Variants in HSD17B12 observed in about 807,000 individuals in gnomAD.
The protein encoded by HSD17B12 is very-long-chain 3-oxoacyl-CoA reductase.
A neutral mutation model predicts 39.3 loss-of-function variants in HSD17B12; 32 were observed. The observed-to-expected ratio is 0.81, with a 90% confidence interval of 0.61 to 1.09. The LOEUF (loss-of-function observed/expected upper bound fraction) is 1.09. HSD17B12 is among the 50% of genes least tolerant of loss of function. HSD17B12 has a pLI of 0.00. For missense variants in HSD17B12, 342 were observed against 382.9 expected (o/e 0.89, Z 0.89); for synonymous variants, 150 against 146.7 (o/e 1.02, Z -0.16).
intron 3 of HSD17B12, among the ~76,000 whole-genome samples, chr11:43,773,532 C>G (rs1173664333): frequency 6.6e-6 from 1 of 152,184 alleles, no homozygotes; most frequent in Non-Finnish European, 1.5e-5. Context: ...AGCCACTGTA[C>G]CTGGCCTAAA....
chr11:43,812,422 G>A (rs1387064476), intron 4 of HSD17B12, among the ~76,000 whole-genome samples: 1 of 152,182 alleles, frequency 6.6e-6, no homozygotes, highest in Non-Finnish European at 1.5e-5. Context: ...TCTAACTGGG[G>A]TAAGATGATA....
the HSD17B12 span, among the ~76,000 whole-genome samples, chr11:43,657,541 A>G: frequency 6.6e-6 from 1 of 152,092 alleles, no homozygotes; most frequent in African/African-American, 2.4e-5. Flanking sequence ...GGCTGGTACC[A>G]GTTGTTCCTT....
intron 4 of HSD17B12, among the ~76,000 whole-genome samples, chr11:43,805,957 T>A (rs1450575414): frequency 1.3e-5 from 2 of 152,196 alleles, no homozygotes. Context: ...ATACTCATGA[T>A]CTTGTAGTTT....
chr11:43,592,299 T>G, the HSD17B12 span, among the ~76,000 whole-genome samples: 1 of 152,134 alleles, frequency 6.6e-6, no homozygotes, highest in African/African-American at 2.4e-5. Context: ...TTTGTGTGTG[T>G]GTTTTTTTAA....
At chr11:43,720,133 A>C (rs1950163648) in intron 1 of HSD17B12, among the ~76,000 whole-genome samples, 1 of 152,198 alleles carries the variant, frequency 6.6e-6, no homozygotes, top group African/African-American at 2.4e-5. Flanking sequence ...CTGATTTGAT[A>C]TCTCCCCAGA....
intron 6 of HSD17B12, among the ~76,000 whole-genome samples, chr11:43,822,541 T>G (rs1590328853): frequency 6.6e-6 from 1 of 152,178 alleles, no homozygotes; most frequent in East Asian, 1.9e-4. Flanking sequence ...GTCCAAGTGT[T>G]GTCATTGTTC....
At chr11:43,716,820 A>G (rs1200896804) in intron 1 of HSD17B12, among the ~76,000 whole-genome samples, 1 of 150,760 alleles carries the variant, frequency 6.6e-6, no homozygotes, top group Non-Finnish European at 1.5e-5. Flanking sequence ...TGGTGGTGAG[A>G]CCTGAGGGAG....
At chr11:43,777,283 G>A (rs1337576344) in intron 3 of HSD17B12, among the ~76,000 whole-genome samples, 3 of 152,038 alleles carry the variant, frequency 2.0e-5, no homozygotes, top group African/African-American at 7.2e-5. Context: ...TTATTTCGTT[G>A]AGCAGTGGTT....
intron 1 of HSD17B12, among the ~76,000 whole-genome samples, chr11:43,722,152 C>G (rs1565063683): frequency 6.6e-6 from 1 of 152,212 alleles, no homozygotes; most frequent in Non-Finnish European, 1.5e-5. Context: ...GGAGTTCTGA[C>G]AGAGGAGCAA....
chr11:43,790,686 A>G (rs1046132603), intron 3 of HSD17B12, among the ~76,000 whole-genome samples: 3 of 152,202 alleles, frequency 2.0e-5, no homozygotes, highest in Non-Finnish European at 2.9e-5. Flanking sequence ...ATGGCGTGCA[A>G]TTTAAAACTT....
At chr11:43,775,594 T>C (rs918273266) in intron 3 of HSD17B12, among the ~76,000 whole-genome samples, 37 of 151,338 alleles carry the variant, frequency 2.4e-4, no homozygotes, top group African/African-American at 8.3e-4. Context: ...ATTTCTTTTT[T>C]ATTTATTTAT....
intron 1 of HSD17B12, among the ~76,000 whole-genome samples, chr11:43,688,809 A>G (rs186931305): frequency 6.6e-6 from 1 of 152,262 alleles, no homozygotes; most frequent in Admixed American, 6.5e-5. Flanking sequence ...TCTGAGCATA[A>G]CTTCTTTCAT....
At chr11:43,678,423 A>T (rs1387374070), upstream of HSD17B12, among the ~76,000 whole-genome samples, 2 of 152,030 alleles carry the variant, frequency 1.3e-5, no homozygotes, top group Non-Finnish European at 2.9e-5. Context: ...GCTGTGCAGA[A>T]GCTCTTTAGT....
At chr11:43,815,795 G>T (rs141856511) in intron 5 of HSD17B12, among the ~76,000 whole-genome samples, 1 of 151,996 alleles carries the variant, frequency 6.6e-6, no homozygotes, top group Non-Finnish European at 1.5e-5. Context: ...TCTTATTTTT[G>T]TTTGTGTTAT....
At chr11:43,632,677 G>A in the HSD17B12 span, among the ~76,000 whole-genome samples, 1 of 152,168 alleles carries the variant, frequency 6.6e-6, no homozygotes, top group African/African-American at 2.4e-5. Context: ...AGTGGCCCAT[G>A]CTGCTTTTTA....
At chr11:43,842,291 C>T (rs918866580) in intron 9 of HSD17B12, among the ~76,000 whole-genome samples, 4 of 152,106 alleles carry the variant, frequency 2.6e-5, no homozygotes, top group African/African-American at 9.7e-5. Flanking sequence ...AGCTAAGTCA[C>T]CTACTGTGAG....
intron 9 of HSD17B12, 164 bp from the exon 10 acceptor site, chr11:43,854,551 G>T: frequency 1.5e-6 from 1 of 651,402 alleles, no homozygotes; most frequent in East Asian, 2.6e-5. Flanking sequence ...ATGGTATCAT[G>T]TGTTCTATCA....
intron 3 of HSD17B12, among the ~76,000 whole-genome samples, chr11:43,797,165 C>T (rs749896913): frequency 2.0e-5 from 3 of 152,156 alleles, no homozygotes; most frequent in African/African-American, 4.8e-5. Context: ...TAGTTTTAGA[C>T]AGAAATCCTT....
Position 43,703,935 on chromosome 11 carries a change from C to T in HSD17B12, c.160+22948C>T, listed in dbSNP as rs1949990739. 2.0e-5 allele frequency among the ~76,000 whole-genome samples: 3 copies of T among 149,984 alleles called. No individual in the cohort carries two copies. In the South Asian group the frequency reaches 6.3e-4, roughly 32 times the overall value. ...TGCTCTGATCCTTATTTTTTATTTTCTTCTGCTAATTTTGGGTTTGGTTTG... is the reference window on the plus strand; with the variant it reads ...TGCTCTGATCCTTATTTTTTATTTTTTTCTGCTAATTTTGGGTTTGGTTTG... On this transcript the variant is annotated intron_variant, in intron 1 of 10. Coordinates refer to ENST00000278353, the MANE Select transcript of HSD17B12 (RefSeq NM_016142.3).
Sources: gnomAD v4.1 joint callset for allele counts (sites outside exome capture counted in the v4.1 genomes callset) on GRCh38, gnomAD v4.1.1 for gene constraint, MANE v1.5 for transcripts, NCBI Gene and HGNC (gene_info 2026-07-23, HGNC 2026-07-21) for gene names.